PRKCZ: variants seen among roughly 807,000 people sequenced by gnomAD.
PRKCZ encodes protein kinase C zeta type.
Under a neutral mutation model 79.5 loss-of-function variants are expected in PRKCZ, and 33 were observed. That is an observed-to-expected ratio of 0.41 (90% CI 0.31 to 0.55). The LOEUF is 0.55. Among genes scored for constraint, PRKCZ ranks in the 20% least tolerant of loss-of-function variants. PRKCZ has a pLI of 0.19. For missense variants in PRKCZ, 578 were observed against 813.5 expected (o/e 0.71, Z 3.52); for synonymous variants, 342 against 320.9 (o/e 1.07, Z -0.70).
At chr1:2,135,690 C>T (rs1676050454) in intron 5 of PRKCZ, among the ~76,000 whole-genome samples, 1 of 152,226 alleles carries the variant, frequency 6.6e-6, no homozygotes, top group Non-Finnish European at 1.5e-5. Flanking sequence ...CCGCATGTAG[C>T]GCCAGGGTGT....
In PRKCZ at chr1:2,091,110, C is replaced by T. The variant is rs531947470; in HGVS notation, c.334+31519C>T. Among the ~76,000 whole-genome samples the T allele has an allele frequency of 9.4e-4, 143 of 152,320 alleles. 1 individual carries two copies. Among genetic ancestry groups the T allele is most frequent in the African/African-American group, 3.2e-3 (131 of 41,574 alleles). On this transcript the variant is annotated intron_variant, in intron 4 of 17. Transcript: ENST00000378567. ...GCAGTGGTGCAATCTCGGTTCACTG[C>T]GACCTCCGCCTCCTGGGTTCAAGCA... is the stretch of plus-strand genomic sequence containing the variant.
chr1:2,091,914 G>A (rs747917682), intron 4 of PRKCZ, among the ~76,000 whole-genome samples: 4 of 152,038 alleles, frequency 2.6e-5, no homozygotes, highest in Admixed American at 6.6e-5. Flanking sequence ...ACTTTCTTTG[G>A]TATCTTCCAA....
intron 4 of PRKCZ, among the ~76,000 whole-genome samples, chr1:2,108,731 C>CAT (rs1669107141): frequency 1.3e-5 from 2 of 152,336 alleles, no homozygotes; most frequent in Admixed American, 1.3e-4. Context: ...CCACCCCCTG[C>CAT]CTGTCCGTCT....
At chr1:2,064,608 A>T (rs1173579908) in intron 4 of PRKCZ, among the ~76,000 whole-genome samples, 1 of 152,212 alleles carries the variant, frequency 6.6e-6, no homozygotes, top group Non-Finnish European at 1.5e-5. Context: ...TCTTAGCACC[A>T]TTGGTGAAAA....
intron 5 of PRKCZ, chr1:2,143,611 G>A (rs1235521601): frequency 6.6e-6 from 1 of 152,230 alleles, no homozygotes; most frequent in Non-Finnish European, 1.5e-5. Flanking sequence ...CAAACAAGCT[G>A]ATAATTACCA....
rs916671539 is a variant in PRKCZ, at chr1:2,105,693, C to T, written c.335-29569C>T. On this transcript the variant is annotated intron_variant, in intron 4 of 17. Coordinates refer to ENST00000378567, the MANE Select transcript of PRKCZ (RefSeq NM_002744.6). The stretch of plus-strand genomic sequence containing the variant: ...GGGATTACAGGCGTGAGCTGCCACT[C>T]CTGGCCAGGTCTTTTTTCAAATAAA... Among the ~76,000 whole-genome samples the T allele has an allele frequency of 5.3e-5, 8 of 152,330 alleles. No individual in the cohort carries two copies. The East Asian group carries it at 9.6e-4, about 18-fold the overall frequency.
intron 1 of PRKCZ, among the ~76,000 whole-genome samples, chr1:2,051,567 A>G (rs1478950227): frequency 6.6e-6 from 1 of 152,154 alleles, no homozygotes; most frequent in Non-Finnish European, 1.5e-5. Context: ...CGGGCTCCGG[A>G]CTTGCACTGG....
chr1:2,127,298 C>T lies in PRKCZ; in HGVS notation c.335-7964C>T, dbSNP rs140574342. Among the ~76,000 whole-genome samples, 1 of 152,256 alleles carries T rather than the reference C, an allele frequency of 6.6e-6. No homozygotes were observed. Among genetic ancestry groups the T allele is most frequent in the African/African-American group, 2.4e-5 (1 of 41,566 alleles). ...CATAGCATGTTTTCAATCACATGTT[C>T]AGCTGGGAAATAGATCTGTGGTTAG... On this transcript the variant is annotated intron_variant, in intron 4 of 17. Coordinates refer to ENST00000378567, the MANE Select transcript of PRKCZ (RefSeq NM_002744.6). This position sits in a 1 kb window ranked among gnomAD's most constrained non-coding sequence, Gnocchi z 5.1.
rs766156791 is a variant in PRKCZ, at chr1:2,059,548, G to A, written c.291G>A (p.Pro97=). Residue 97 remains proline (P), a synonymous_variant, in exon 4 of 18, where the codon CCG becomes CCA. Transcript: ENST00000378567. The part of the protein sequence containing the change: ...RDEGLIIHVF[P]STPEQPGLPC... ...TTTCTCTCTCTTGTCCAGTTTTCCC[G>A]AGCACCCCTGAGCAGCCTGGCCTGC... 5 of 1,614,066 alleles carry A rather than the reference G, an allele frequency of 3.1e-6. No individual in the cohort carries two copies. Among genetic ancestry groups the A allele is most frequent in the South Asian group, 1.1e-5 (1 of 91,082 alleles).
At chr1:2,112,759 G>A (rs923021026) in intron 4 of PRKCZ, among the ~76,000 whole-genome samples, 4 of 151,102 alleles carry the variant, frequency 2.6e-5, no homozygotes, top group African/African-American at 7.3e-5. Flanking sequence ...GCGTGATCTC[G>A]GCTCACTGTA....
At chr1:2,148,998 C>A in intron 8 of PRKCZ, 74 bp downstream of exon 8, 1 of 1,493,712 alleles carries the variant, frequency 6.7e-7, no homozygotes, top group Non-Finnish European at 9.3e-7. Flanking sequence ...CTGGGGTAGT[C>A]ACGGAAATCT....
At chr1:2,119,981 G>A (rs1252040407) in intron 4 of PRKCZ, among the ~76,000 whole-genome samples, 1 of 151,912 alleles carries the variant, frequency 6.6e-6, no homozygotes, top group East Asian at 1.9e-4. Context: ...AATGTCTTTG[G>A]CATTCTTTCT....
chr1:2,064,561 A>G (rs958388583), intron 4 of PRKCZ, among the ~76,000 whole-genome samples: 1 of 152,230 alleles, frequency 6.6e-6, no homozygotes, highest in Non-Finnish European at 1.5e-5. Flanking sequence ...TAAGGTAAGC[A>G]TCTAACTTCA....
intron 4 of PRKCZ, among the ~76,000 whole-genome samples, chr1:2,114,546 C>T (rs1201139722): frequency 1.3e-5 from 2 of 152,142 alleles, no homozygotes; most frequent in African/African-American, 2.4e-5. Context: ...GAGGCCGAGG[C>T]GGGTAGATCA....
At chr1:2,064,478 A>T (rs754365118) in intron 4 of PRKCZ, among the ~76,000 whole-genome samples, 1 of 152,148 alleles carries the variant, frequency 6.6e-6, no homozygotes, top group Non-Finnish European at 1.5e-5. Flanking sequence ...CTTCTCTTTC[A>T]TCTAAGGATT....
chr1:2,126,800 G>C (rs1673990312), intron 4 of PRKCZ, among the ~76,000 whole-genome samples: 1 of 152,200 alleles, frequency 6.6e-6, no homozygotes, highest in South Asian at 2.1e-4. Flanking sequence ...GCGGACACCT[G>C]AGCAGTCCCC....
At chr1:2,116,056 C>G (rs1160609061) in intron 4 of PRKCZ, 1 of 152,080 alleles carries the variant, frequency 6.6e-6, no homozygotes. Flanking sequence ...TGGAGCTGTC[C>G]CGGCTCCCGG....
rs1418993954 is a variant in PRKCZ, at chr1:2,174,728, G to A, written c.1406-26G>A. The stretch of plus-strand genomic sequence containing the variant: ...GGCAAATGGCACACAACACAGGCAA[G>A]TCCTCACCAGGCTCCGCCCTTGCAG... On this transcript the variant is annotated intron_variant, in intron 14 of 17. Transcript: ENST00000378567. This position sits in a 1 kb window ranked among gnomAD's most constrained non-coding sequence, Gnocchi z 6.2. The A allele has an allele frequency of 6.2e-7, 1 of 1,609,892 alleles. No individual in the cohort carries two copies. Among genetic ancestry groups the A allele is most frequent in the African/African-American group, 1.3e-5 (1 of 74,864 alleles).
chr1:2,180,362 A>G (rs1557754530), intron 16 of PRKCZ, among the ~76,000 whole-genome samples: 1 of 151,992 alleles, frequency 6.6e-6, no homozygotes, highest in Non-Finnish European at 1.5e-5. Flanking sequence ...GTGGACACCC[A>G]GACGATGTGG....
Sources: gnomAD v4.1 joint callset for allele counts (sites outside exome capture counted in the v4.1 genomes callset) on GRCh38, gnomAD v4.1.1 for gene constraint, Gnocchi (gnomAD v3.1) non-coding constraint, MANE v1.5 for transcripts, NCBI Gene and HGNC (gene_info 2026-07-23, HGNC 2026-07-21) for gene names.